Variants in ARNT2 observed in about 807,000 individuals in gnomAD.
The protein encoded by ARNT2 is aryl hydrocarbon receptor nuclear translocator 2.
ARNT2 carries 36 observed loss-of-function variants against 91.7 expected under a neutral mutation model. That is an observed-to-expected ratio of 0.39 (90% CI 0.30 to 0.52). The LOEUF is 0.52. Among genes scored for constraint, ARNT2 ranks in the 20% least tolerant of loss-of-function variants. The pLI, the probability that ARNT2 is intolerant of heterozygous loss-of-function variation, is 0.72. For missense variants in ARNT2, 775 were observed against 939.3 expected (o/e 0.83, Z 2.29); for synonymous variants, 365 against 347.1 (o/e 1.05, Z -0.57).
At chr15:80,523,472 C>T (rs1438428728) in intron 8 of ARNT2, among the ~76,000 whole-genome samples, 1 of 152,150 alleles carries the variant, frequency 6.6e-6, no homozygotes, top group African/African-American at 2.4e-5. Context: ...CTGGAGGAAG[C>T]CCATAATACT....
chr15:80,536,521 A>G (rs1007227919), intron 8 of ARNT2, among the ~76,000 whole-genome samples: 1 of 152,208 alleles, frequency 6.6e-6, no homozygotes, highest in Admixed American at 6.5e-5. Context: ...GTATTGACAC[A>G]GCTGCTGATA....
chr15:80,430,870 T>C (rs973819079), intron 1 of ARNT2, among the ~76,000 whole-genome samples: 27 of 152,202 alleles, frequency 1.8e-4, no homozygotes, highest in Admixed American at 1.4e-3. Context: ...AGCACTGATC[T>C]TCCCTTAGTG....
chr15:80,590,741 C>T (rs907253580), intron 17 of ARNT2, among the ~76,000 whole-genome samples: 63 of 152,306 alleles, frequency 4.1e-4, no homozygotes, highest in African/African-American at 1.5e-3. Context: ...GACTCTTTCT[C>T]GTATGTAAAA....
chr15:80,431,367 C>G (rs753517455), intron 1 of ARNT2, among the ~76,000 whole-genome samples: 1 of 152,146 alleles, frequency 6.6e-6, no homozygotes, highest in Non-Finnish European at 1.5e-5. Flanking sequence ...AGATCCACCC[C>G]CTCCCATTCC....
chr15:80,475,280 C>T (rs1297499369), intron 5 of ARNT2, 57 bp downstream of exon 5: 1 of 1,572,440 alleles, frequency 6.4e-7, no homozygotes. Context: ...CTTGGCTGGG[C>T]ATGGTGGCTC....
chr15:80,434,355 C>T (rs1274532780), intron 1 of ARNT2: 1 of 152,202 alleles, frequency 6.6e-6, no homozygotes, highest in Non-Finnish European at 1.5e-5. Flanking sequence ...CTCCAGTTCA[C>T]AATGTCACAC....
At chr15:80,416,996 G>A (rs1895794603) in intron 1 of ARNT2, among the ~76,000 whole-genome samples, 1 of 152,018 alleles carries the variant, frequency 6.6e-6, no homozygotes, top group Non-Finnish European at 1.5e-5. Flanking sequence ...GTTGAGTACA[G>A]GTCCCAGGGG....
rs1896554482 is a variant in ARNT2, at chr15:80,461,594, G to A, written c.194+3618G>A. Among the ~76,000 whole-genome samples the A allele has an allele frequency of 2.0e-5, 3 of 152,192 alleles. No individual in the cohort carries two copies. The South Asian group carries it at 6.2e-4, about 32-fold the overall frequency. On this transcript the variant is annotated intron_variant, in intron 3 of 18. Transcript: ENST00000303329. ...AGTAGAGGAGGCCGAGGTCAGTCCT[G>A]GGAGCAGAGGCATGGGGAGACAGAT...
At position 80,404,477 on chromosome 15, in the gene ARNT2, G is replaced by A. The variant is rs1327478841; in HGVS notation, c.-39G>A. On this transcript the variant is annotated 5_prime_UTR_variant, in exon 1 of 19. Transcript: ENST00000303329. The surrounding 1 kb of genome is among the most constrained non-coding windows in gnomAD (Gnocchi z 5.5). ...CGCCGGGCTCCGCGCCGCCCCTCCC[G>A]CGCCCCTGCCAAGCGGGCGCCTATC... 2 of 1,214,562 alleles carry A rather than the reference G, an allele frequency of 1.6e-6. No individual in the cohort carries two copies. Among genetic ancestry groups the A allele is most frequent in the Admixed American group, 3.2e-5 (1 of 31,602 alleles). The allele number at this position is 1,214,562 out of a possible 1,614,324, so 75.2% of individuals were successfully genotyped here.
At chr15:80,407,093 T>A (rs1015833279) in intron 1 of ARNT2, among the ~76,000 whole-genome samples, 2 of 152,134 alleles carry the variant, frequency 1.3e-5, no homozygotes, top group Non-Finnish European at 2.9e-5. Flanking sequence ...CTGCCTCCTT[T>A]CCCCAGATAT....
intron 1 of ARNT2, among the ~76,000 whole-genome samples, chr15:80,446,575 G>A (rs1002300590): frequency 3.9e-5 from 6 of 152,214 alleles, no homozygotes; most frequent in Non-Finnish European, 5.9e-5. Flanking sequence ...ACCCCACAGT[G>A]GGTGGCCAAA....
intron 8 of ARNT2, among the ~76,000 whole-genome samples, chr15:80,516,828 AATATATATAT>A (rs56146872): frequency 0.19 from 13,898 of 74,864 alleles, 1,535 homozygotes; most frequent in Middle Eastern, 0.46. Context: ...TACAATTACA[AATATATATAT>A]ATATATATAT....
At chr15:80,448,909 C>T (rs967045795) in intron 1 of ARNT2, among the ~76,000 whole-genome samples, 5 of 152,096 alleles carry the variant, frequency 3.3e-5, no homozygotes, top group Admixed American at 2.0e-4. Flanking sequence ...GGCGTGAACC[C>T]GGGAGGTGGA....
chr15:80,538,455 T>A (rs892131859), intron 8 of ARNT2, among the ~76,000 whole-genome samples: 5 of 152,188 alleles, frequency 3.3e-5, no homozygotes, highest in African/African-American at 7.2e-5. Flanking sequence ...GTTACATTTT[T>A]AAAAATCAGT....
chr15:80,485,153 T>C (rs970011531), intron 5 of ARNT2, among the ~76,000 whole-genome samples: 20 of 152,228 alleles, frequency 1.3e-4, no homozygotes, highest in African/African-American at 4.8e-4. Context: ...CCCTGCTTTA[T>C]TTGTCTTCTT....
chr15:80,408,976 A>T (rs1419042372), intron 1 of ARNT2, among the ~76,000 whole-genome samples: 1 of 152,124 alleles, frequency 6.6e-6, no homozygotes, highest in Non-Finnish European at 1.5e-5. Flanking sequence ...GAGATTCCTC[A>T]TATATCCCCT....
At chr15:80,578,616 T>A (rs906454470) in intron 15 of ARNT2, among the ~76,000 whole-genome samples, 3 of 151,508 alleles carry the variant, frequency 2.0e-5, no homozygotes, top group African/African-American at 4.8e-5. Context: ...AACGCTGTTG[T>A]CATAGAAACA....
intron 1 of ARNT2, among the ~76,000 whole-genome samples, chr15:80,433,349 G>A (rs1012653736): frequency 3.3e-5 from 5 of 150,392 alleles, no homozygotes; most frequent in African/African-American, 1.2e-4. Context: ...GCAGTGGTGC[G>A]ATCTCGGCTC....
intron 1 of ARNT2, chr15:80,433,917 C>T (rs968624648): frequency 6.6e-6 from 1 of 152,132 alleles, no homozygotes; most frequent in African/African-American, 2.4e-5. Flanking sequence ...CTCAGCAAGG[C>T]CTGTCTGTTT....
Sources: gnomAD v4.1 joint callset for allele counts (sites outside exome capture counted in the v4.1 genomes callset) on GRCh38, gnomAD v4.1.1 for gene constraint, Gnocchi (gnomAD v3.1) non-coding constraint, MANE v1.5 for transcripts, NCBI Gene and HGNC (gene_info 2026-07-23, HGNC 2026-07-21) for gene names.